ZFHX3: variants seen among roughly 807,000 people sequenced by gnomAD.
ZFHX3 encodes the protein zinc finger homeobox 3.
A neutral mutation model predicts 279.1 loss-of-function variants in ZFHX3; 42 were observed. That is an observed-to-expected ratio of 0.15 (90% confidence interval 0.12 to 0.19). The LOEUF (loss-of-function observed/expected upper bound fraction) is 0.19, where lower values mean the gene tolerates loss of function less well. Ranked by LOEUF, ZFHX3 falls within the 10% of genes least tolerant of loss-of-function variation. The pLI, the probability that ZFHX3 is intolerant of heterozygous loss-of-function variation, is 1.00. For synonymous variants in ZFHX3, 2,293 were observed against 1,957.8 expected, an observed-to-expected ratio of 1.17 and a Z score of -4.52; for missense variants, 4,981 against 4,754.0, an observed-to-expected ratio of 1.05 and a Z score of -1.40.
intron 3 of ZFHX3, among the ~76,000 whole-genome samples, chr16:72,908,540 C>T (rs570751676): frequency 5.3e-5 from 8 of 152,296 alleles, no homozygotes; most frequent in South Asian, 2.1e-4. Context: ...CTTGATCGTC[C>T]GTTCACTTAC....
intron 2 of ZFHX3, among the ~76,000 whole-genome samples, chr16:73,641,635 T>G (rs1231388528): frequency 2.6e-5 from 4 of 152,168 alleles, no homozygotes; most frequent in African/African-American, 9.7e-5. Flanking sequence ...GATTCTTACC[T>G]ACTAAAATAG....
chr16:72,854,930 T>C (rs1300118234), intron 4 of ZFHX3, among the ~76,000 whole-genome samples: 2 of 14,322 alleles, frequency 1.4e-4, no homozygotes, highest in Non-Finnish European at 2.5e-4. Flanking sequence ...AAAACACAAA[T>C]TGGTGGGTGG....
At chr16:73,584,855 T>C (rs954127102) in intron 2 of ZFHX3, among the ~76,000 whole-genome samples, 1 of 152,176 alleles carries the variant, frequency 6.6e-6, no homozygotes, top group African/African-American at 2.4e-5. Flanking sequence ...AAAGGGCTAA[T>C]ATCCAGAATC....
intron 3 of ZFHX3, among the ~76,000 whole-genome samples, chr16:72,919,777 CTTTTTTTTTTTTTT>C (rs532405250): frequency 1.2e-4 from 5 of 42,264 alleles, no homozygotes; most frequent in South Asian, 3.1e-3. Context: ...TATGCACCAT[CTTTTTTTTTTTTTT>C]TTTTTTTTTT....
intron 2 of ZFHX3, among the ~76,000 whole-genome samples, chr16:73,534,532 G>A (rs1372319318): frequency 6.6e-6 from 1 of 152,166 alleles, no homozygotes; most frequent in African/African-American, 2.4e-5. Flanking sequence ...ACCACAAAGG[G>A]ATCTCTATTT....
intron 8 of ZFHX3, among the ~76,000 whole-genome samples, chr16:73,065,993 C>T (rs62055086): frequency 0.21 from 31,293 of 152,210 alleles, 4,055 homozygotes; most frequent in Non-Finnish European, 0.29. Context: ...CAGGGCAGGG[C>T]GTGGCCCCAC....
intron 1 of ZFHX3, among the ~76,000 whole-genome samples, chr16:73,775,677 G>A (rs1959226575): frequency 1.3e-5 from 2 of 152,046 alleles, no homozygotes; most frequent in African/African-American, 2.4e-5. Context: ...GTAATTATTC[G>A]GCTCTACCTT....
chr16:72,947,282 T>A (rs1960729937), intron 3 of ZFHX3, among the ~76,000 whole-genome samples: 1 of 152,200 alleles, frequency 6.6e-6, no homozygotes, highest in African/African-American at 2.4e-5. Context: ...ATTTAAACAT[T>A]AGTATCACAC....
intron 2 of ZFHX3, among the ~76,000 whole-genome samples, chr16:73,495,765 G>A (rs536845391): frequency 7.9e-5 from 12 of 152,294 alleles, no homozygotes; most frequent in African/African-American, 2.9e-4. Flanking sequence ...GGCAAAGATG[G>A]ACCAAATGGC....
intron 4 of ZFHX3, among the ~76,000 whole-genome samples, chr16:73,300,377 C>A (rs2015024913): frequency 6.6e-6 from 1 of 152,058 alleles, no homozygotes; most frequent in Non-Finnish European, 1.5e-5. Flanking sequence ...CATGTGAACA[C>A]TTCAGCAGCC....
intron 3 of ZFHX3, among the ~76,000 whole-genome samples, chr16:73,415,690 G>A (rs193230125): frequency 1.3e-5 from 2 of 152,242 alleles, no homozygotes; most frequent in Admixed American, 6.5e-5. Context: ...TGTCTGTCCC[G>A]TCACCGCCCC....
chr16:73,543,885 G>GGAGAGGGAGGGAGAGAGA (rs1203799448), intron 2 of ZFHX3: 1 of 136,454 alleles, frequency 7.3e-6, no homozygotes, highest in African/African-American at 3.1e-5. Context: ...AGCGAGAGAG[G>GGAGAGGGAGGGAGAGAGA]GAGAGAGAGA....
intron 2 of ZFHX3, among the ~76,000 whole-genome samples, chr16:73,482,912 A>G (rs182719283): frequency 1.1e-3 from 169 of 152,372 alleles, no homozygotes; most frequent in Admixed American, 3.4e-3. Flanking sequence ...TATTGTCAAT[A>G]AAATTAGCAG....
At chr16:73,854,749 A>T (rs1161658591) in intron 1 of ZFHX3, among the ~76,000 whole-genome samples, 1 of 150,922 alleles carries the variant, frequency 6.6e-6, no homozygotes, top group South Asian at 2.1e-4. Context: ...AAAAAAAAAA[A>T]AAGATGAAAC....
At chr16:73,559,135 A>T (rs1380312073) in intron 2 of ZFHX3, among the ~76,000 whole-genome samples, 3 of 149,754 alleles carry the variant, frequency 2.0e-5, no homozygotes, top group Non-Finnish European at 4.4e-5. Context: ...GCAGCTTTGA[A>T]CTCCGGGGCT....
At chr16:73,656,643 T>C (rs11646591) in intron 2 of ZFHX3, among the ~76,000 whole-genome samples, 74,275 of 152,086 alleles carry the variant, frequency 0.49, 20,786 homozygotes, top group East Asian at 0.8. Flanking sequence ...GGTTGTATGC[T>C]AAATTTTTCA....
At chr16:73,483,714 G>C (rs2018915594) in intron 2 of ZFHX3, among the ~76,000 whole-genome samples, 1 of 152,018 alleles carries the variant, frequency 6.6e-6, no homozygotes, top group African/African-American at 2.4e-5. Context: ...TGCAAATATC[G>C]ACAAAGGCTC....
At chr16:72,848,679 G>T (rs138121068) in intron 4 of ZFHX3, among the ~76,000 whole-genome samples, 475 of 122,110 alleles carry the variant, frequency 3.9e-3, no homozygotes, top group Non-Finnish European at 6.2e-3. Flanking sequence ...CTCCTGGCCT[G>T]CCAGTGCCTG....
chr16:72,787,152 C>A lies in ZFHX3; in HGVS notation c.*12G>T. 1.4e-6 allele frequency: 2 copies of A among 1,411,302 alleles called. No homozygotes were observed. The highest frequency in any genetic ancestry group is 1.7e-5 in the South Asian group (1 of 57,972). The allele number at this position is 1,411,302 out of a possible 1,614,324, so 87.4% of individuals were successfully genotyped here. A position where few individuals can be genotyped will look rare whatever the true frequency, so the allele number is the denominator to read the frequency against. ...TTTAAATTCATTTGTTTGTATTGTTCATCTTCAAAGCTTACAATCTGAAGG... is the reference window on the plus strand; with the variant it reads ...TTTAAATTCATTTGTTTGTATTGTTAATCTTCAAAGCTTACAATCTGAAGG... On this transcript the variant is annotated 3_prime_UTR_variant, in exon 10 of 10. Transcript: ENST00000268489.
Sources: allele counts gnomAD v4.1 joint callset (sites outside exome capture counted in the v4.1 genomes callset), GRCh38; gene constraint gnomAD v4.1.1; transcripts MANE v1.5; gene names NCBI Gene and HGNC (gene_info 2026-07-23, HGNC 2026-07-21).